Variants in PPP2R2D observed in about 807,000 individuals in gnomAD.
PPP2R2D encodes protein phosphatase 2 regulatory subunit Bdelta, also known as serine/threonine-protein phosphatase 2A 55 kDa regulatory subunit B delta isoform.
Under a neutral mutation model 31.1 loss-of-function variants are expected in PPP2R2D, and 9 were observed. That is an observed-to-expected ratio of 0.29 (90% CI 0.17 to 0.51). The LOEUF (loss-of-function observed/expected upper bound fraction) is 0.51, where lower values mean the gene tolerates loss of function less well. Ranked by LOEUF, PPP2R2D falls within the 20% of genes least tolerant of loss-of-function variation. The probability of loss-of-function intolerance (pLI) is 0.98; values close to 1 mark genes in which losing one functional copy is unlikely to be tolerated. For missense variants in PPP2R2D, 391 were observed against 465.6 expected (o/e 0.84, Z 1.48); for synonymous variants, 179 against 172.6 (o/e 1.04, Z -0.29).
Position 131,945,650 on chromosome 10 carries a change from GGGTT to G in PPP2R2D, c.820+192_820+195del. The G allele has an allele frequency of 3.1e-6, 2 of 642,188 alleles. No homozygotes were observed. Among genetic ancestry groups the G allele is most frequent in the Non-Finnish European group, 5.2e-6 (2 of 384,406 alleles). The allele number at this position is 642,188 out of a possible 1,614,324, so 39.8% of individuals were successfully genotyped here. On this transcript the variant is annotated intron_variant, in intron 7 of 8. Coordinates refer to ENST00000455566, the MANE Select transcript of PPP2R2D (RefSeq NM_018461.5). The surrounding 1 kb of genome is among the most constrained non-coding windows in gnomAD (Gnocchi z 4.8). Reference sequence around the variant, plus strand: ...AGTTTTTGTATTTTTAGTACAGACAGGGTTTCACCATGTTGACCAGACTGGTCTG... The same window carrying G: ...AGTTTTTGTATTTTTAGTACAGACAGTCACCATGTTGACCAGACTGGTCTG...
chr10:131,960,990 C>T (rs1254686116), downstream of PPP2R2D, among the ~76,000 whole-genome samples: 4 of 152,120 alleles, frequency 2.6e-5, no homozygotes, highest in Admixed American at 6.5e-5. Flanking sequence ...CTGTGGCGAG[C>T]TGTCCTGTCG....
chr10:131,903,885 T>C (rs1453252477), intron 2 of PPP2R2D, among the ~76,000 whole-genome samples: 1 of 152,114 alleles, frequency 6.6e-6, no homozygotes, highest in Non-Finnish European at 1.5e-5. Flanking sequence ...AAACGCAACC[T>C]TGAGGGAGAG....
At chr10:131,939,131 C>G (rs2036396258) in intron 3 of PPP2R2D, among the ~76,000 whole-genome samples, 1 of 146,884 alleles carries the variant, frequency 6.8e-6, no homozygotes, top group African/African-American at 2.5e-5. Flanking sequence ...ATTCGGCAGA[C>G]CTGCTCCAGA....
At chr10:131,954,144 G>A (rs1349118393) in intron 8 of PPP2R2D, among the ~76,000 whole-genome samples, 1 of 152,220 alleles carries the variant, frequency 6.6e-6, no homozygotes, top group Admixed American at 6.5e-5. Flanking sequence ...GCACCAGGCT[G>A]CTGGGCAGCG....
At chr10:131,961,422 C>T (rs2120115949), downstream of PPP2R2D, among the ~76,000 whole-genome samples, 1 of 152,220 alleles carries the variant, frequency 6.6e-6, no homozygotes, top group East Asian at 1.9e-4. Context: ...GTGGCAACCC[C>T]TCCTAAGTGC....
At chr10:131,909,774 T>C (rs1194840501) in intron 2 of PPP2R2D, among the ~76,000 whole-genome samples, 6 of 152,378 alleles carry the variant, frequency 3.9e-5, no homozygotes, top group Admixed American at 3.9e-4. Flanking sequence ...CCTTTGTTTG[T>C]GCTGGTTATC....
At chr10:131,927,535 C>G (rs1456956793) in intron 2 of PPP2R2D, among the ~76,000 whole-genome samples, 1 of 152,086 alleles carries the variant, frequency 6.6e-6, no homozygotes, top group African/African-American at 2.4e-5. Flanking sequence ...GAATGGAATA[C>G]CTGCAGAGGG....
chr10:131,926,656 A>G (rs2036112926), intron 2 of PPP2R2D, among the ~76,000 whole-genome samples: 1 of 152,160 alleles, frequency 6.6e-6, no homozygotes, highest in African/African-American at 2.4e-5. Context: ...CTCTTTCTGC[A>G]TATGTACTAA....
chr10:131,942,950 G>A (rs2036466998), intron 5 of PPP2R2D, among the ~76,000 whole-genome samples: 1 of 152,028 alleles, frequency 6.6e-6, no homozygotes, highest in African/African-American at 2.4e-5. Flanking sequence ...TTTCCAAGTT[G>A]GTTTTTTACA....
intron 2 of PPP2R2D, among the ~76,000 whole-genome samples, chr10:131,910,684 C>T (rs2035667594): frequency 6.6e-6 from 1 of 152,306 alleles, no homozygotes. Flanking sequence ...CTAAAATCCT[C>T]GGGCTCGTCA....
intron 2 of PPP2R2D, among the ~76,000 whole-genome samples, chr10:131,907,908 A>G (rs2035623210): frequency 6.6e-6 from 1 of 152,206 alleles, no homozygotes; most frequent in Admixed American, 6.5e-5. Context: ...GATTTTAAGC[A>G]GTCTGCTGTT....
chr10:131,907,305 G>A (rs2035608084), intron 2 of PPP2R2D, among the ~76,000 whole-genome samples: 1 of 151,852 alleles, frequency 6.6e-6, no homozygotes, highest in Non-Finnish European at 1.5e-5. Flanking sequence ...ATTTATATCT[G>A]TGCCATTGAA....
chr10:131,937,188 C>T lies in PPP2R2D; in HGVS notation c.198+2633C>T, dbSNP rs74441212. On this transcript the variant is annotated intron_variant, in intron 3 of 8. Transcript: ENST00000455566. ...TTCAGGAGTCAGGTCCATAGAGGCC[C>T]GTTGGGAAGCTCTGGCTGTGCAGAA... Among the ~76,000 whole-genome samples the T allele has an allele frequency of 2.8e-3, 430 of 152,268 alleles. 1 individual carries two copies. The highest frequency in any genetic ancestry group is 0.017 in the Middle Eastern group (5 of 294).
At chr10:131,913,207 T>G (rs1352396208) in intron 2 of PPP2R2D, among the ~76,000 whole-genome samples, 3 of 149,502 alleles carry the variant, frequency 2.0e-5, no homozygotes, top group African/African-American at 7.4e-5. Context: ...TTTTTTGTAT[T>G]TTTAGTAGAG....
the PPP2R2D span, among the ~76,000 whole-genome samples, chr10:131,965,978 A>G: frequency 1.2e-4 from 19 of 152,284 alleles, no homozygotes; most frequent in African/African-American, 4.6e-4. Context: ...CGGTTGCTTC[A>G]TATATTTTAA....
chr10:131,923,749 A>T (rs1554894569), intron 2 of PPP2R2D, among the ~76,000 whole-genome samples: 1 of 152,082 alleles, frequency 6.6e-6, no homozygotes, highest in African/African-American at 2.4e-5. Context: ...TTACATTTTC[A>T]ATTGGCTTGT....
chr10:131,949,138 G>A (rs10870281), intron 8 of PPP2R2D, among the ~76,000 whole-genome samples: 42,520 of 152,020 alleles, frequency 0.28, 6,064 homozygotes, highest in East Asian at 0.45. Context: ...AGCATCTCAC[G>A]GATGTTGACT....
At position 131,920,137 on chromosome 10, in the gene PPP2R2D, A is replaced by AGTGT. The variant is rs1564813185; in HGVS notation, c.101-14320_101-14317dup. ...GGACCTCACGCGGGTGGAATTACACAGTGTAGGGACCTCACGTGGGTGGAA... is the reference window on the plus strand; with the variant it reads ...GGACCTCACGCGGGTGGAATTACACAGTGTGTGTAGGGACCTCACGTGGGTGGAA... On this transcript the variant is annotated intron_variant, in intron 2 of 8. Coordinates refer to ENST00000455566, the MANE Select transcript of PPP2R2D (RefSeq NM_018461.5). 1.0e-4 allele frequency among the ~76,000 whole-genome samples: 2 copies of AGTGT among 19,072 alleles called. 1 individual carries two copies. The highest frequency in any genetic ancestry group is 0.042 in the Middle Eastern group (2 of 48). 12.5% of individuals were successfully genotyped at this position (19,072 alleles called of 152,430 possible). A position where few individuals can be genotyped will look rare whatever the true frequency, so the allele number is the denominator to read the frequency against.
At chr10:131,934,802 G>A (rs1223657686) in intron 3 of PPP2R2D, 2 of 552,152 alleles carry the variant, frequency 3.6e-6, no homozygotes, top group Non-Finnish European at 6.9e-6. Context: ...CCCCATGAAG[G>A]ATGCAGGGTG....
Sources: gnomAD v4.1 joint callset for allele counts (sites outside exome capture counted in the v4.1 genomes callset) on GRCh38, gnomAD v4.1.1 for gene constraint, Gnocchi (gnomAD v3.1) non-coding constraint, MANE v1.5 for transcripts, NCBI Gene and HGNC (gene_info 2026-07-23, HGNC 2026-07-21) for gene names.